NDUFAF6: variants seen among roughly 807,000 people sequenced by gnomAD.
The protein encoded by NDUFAF6 is NADH:ubiquinone oxidoreductase complex assembly factor 6.
Under a neutral mutation model 40.8 loss-of-function variants are expected in NDUFAF6, and 45 were observed. That is an observed-to-expected ratio of 1.10 (90% CI 0.87 to 1.42). The LOEUF is 1.42. Among genes scored for constraint, NDUFAF6 ranks in the 40% most tolerant of loss-of-function variants. The probability of loss-of-function intolerance (pLI) is 0.00; values close to 1 mark genes in which losing one functional copy is unlikely to be tolerated. For synonymous variants in NDUFAF6, 185 were observed against 155.9 expected, an observed-to-expected ratio of 1.19 and a Z score of -1.39; for missense variants, 435 against 418.5, an observed-to-expected ratio of 1.04 and a Z score of -0.34.
chr8:94,903,331 C>T (rs983540580), intron 1 of NDUFAF6, among the ~76,000 whole-genome samples: 1 of 152,022 alleles, frequency 6.6e-6, no homozygotes, highest in Non-Finnish European at 1.5e-5. Context: ...TGCACTCTAG[C>T]CTGGGCAACA....
chr8:95,098,298 C>T (rs903335640), upstream of NDUFAF6, among the ~76,000 whole-genome samples: 11 of 151,886 alleles, frequency 7.2e-5, no homozygotes, highest in Non-Finnish European at 1.5e-4. Context: ...TTTGGGAGGC[C>T]GAGGTGGGTG....
intron 1 of NDUFAF6, among the ~76,000 whole-genome samples, chr8:94,965,811 T>TA (rs1385582709): frequency 5.3e-5 from 8 of 152,038 alleles, no homozygotes; most frequent in African/African-American, 1.9e-4. Flanking sequence ...TGGAGACAGG[T>TA]GATGGGGTAG....
intron 1 of NDUFAF6, among the ~76,000 whole-genome samples, chr8:94,933,381 A>G (rs1820618980): frequency 6.6e-6 from 1 of 152,132 alleles, no homozygotes; most frequent in African/African-American, 2.4e-5. Flanking sequence ...ACAACCTTGA[A>G]AAAGAAGGAA....
intron 1 of NDUFAF6, among the ~76,000 whole-genome samples, chr8:94,961,136 A>G (rs566396110): frequency 1.3e-5 from 2 of 152,348 alleles, no homozygotes; most frequent in South Asian, 4.1e-4. Context: ...ACTCGGTCCC[A>G]ATTAGAAAAT....
chr8:95,102,408 T>C (rs1272370428), intron 2 of NDUFAF6, among the ~76,000 whole-genome samples: 1 of 152,230 alleles, frequency 6.6e-6, no homozygotes, highest in Non-Finnish European at 1.5e-5. Context: ...GGAGTACTAC[T>C]TCTCCTAGGG....
At chr8:95,038,810 T>A (rs1321189475) in intron 3 of NDUFAF6, among the ~76,000 whole-genome samples, 1 of 151,666 alleles carries the variant, frequency 6.6e-6, no homozygotes, top group Non-Finnish European at 1.5e-5. Flanking sequence ...CCGGAGTAGC[T>A]GGGACTACAG....
chr8:95,070,356 A>G (rs917184140), intron 9 of NDUFAF6, among the ~76,000 whole-genome samples: 4 of 152,310 alleles, frequency 2.6e-5, no homozygotes, highest in Admixed American at 6.5e-5. Context: ...AAGTGTACAT[A>G]TGTGTTTGCC....
intron 2 of NDUFAF6, among the ~76,000 whole-genome samples, chr8:94,989,698 G>A (rs1826108279): frequency 6.6e-6 from 1 of 152,066 alleles, no homozygotes; most frequent in African/African-American, 2.4e-5. Context: ...TGGACTTTTG[G>A]GGATTATACC....
At chr8:95,113,811 A>G (rs766750891) in intron 4 of NDUFAF6, among the ~76,000 whole-genome samples, 4 of 151,970 alleles carry the variant, frequency 2.6e-5, no homozygotes, top group African/African-American at 4.8e-5. Flanking sequence ...GCACGACTGC[A>G]CTCCAGCCTA....
chr8:94,987,418 C>T (rs1001070324), intron 2 of NDUFAF6, among the ~76,000 whole-genome samples: 2 of 152,190 alleles, frequency 1.3e-5, no homozygotes, highest in Non-Finnish European at 2.9e-5. Flanking sequence ...AATAAACACT[C>T]TTCCCTCCTC....
chr8:94,986,902 G>A (rs1409775189), intron 2 of NDUFAF6, among the ~76,000 whole-genome samples: 1 of 152,178 alleles, frequency 6.6e-6, no homozygotes, highest in Non-Finnish European at 1.5e-5. Flanking sequence ...AGGCTCTACA[G>A]GAGCTCTTGT....
intron 1 of NDUFAF6, among the ~76,000 whole-genome samples, chr8:94,968,832 G>A (rs1438733758): frequency 6.6e-6 from 1 of 152,162 alleles, no homozygotes; most frequent in Non-Finnish European, 1.5e-5. Flanking sequence ...TGTTGATGCA[G>A]GTGGGGAGGA....
intron 1 of NDUFAF6, among the ~76,000 whole-genome samples, chr8:94,925,809 G>T (rs972074351): frequency 2.6e-5 from 4 of 152,054 alleles, no homozygotes; most frequent in African/African-American, 9.7e-5. Flanking sequence ...CAAATTGCTG[G>T]GATTACAGGC....
intron 1 of NDUFAF6, among the ~76,000 whole-genome samples, chr8:94,911,641 C>T (rs1440766514): frequency 2.0e-5 from 3 of 152,148 alleles, no homozygotes; most frequent in African/African-American, 7.2e-5. Context: ...CCTTGGCCCT[C>T]CAGGGGTTAT....
intron 9 of NDUFAF6, among the ~76,000 whole-genome samples, chr8:95,069,417 T>G (rs943675705): frequency 6.6e-6 from 1 of 151,936 alleles, no homozygotes; most frequent in Non-Finnish European, 1.5e-5. Context: ...TTATATGCAC[T>G]CGTATGATGG....
At chr8:95,032,338 T>C (rs1387161367) in intron 2 of NDUFAF6, among the ~76,000 whole-genome samples, 1 of 152,212 alleles carries the variant, frequency 6.6e-6, no homozygotes, top group African/African-American at 2.4e-5. Context: ...CCCGAGGATA[T>C]TATAAAACTG....
At chr8:94,928,427 T>C (rs1487376401) in intron 1 of NDUFAF6, 1 of 152,418 alleles carries the variant, frequency 6.6e-6, no homozygotes, top group Admixed American at 6.5e-5. Context: ...TACCAATGCA[T>C]GGCCCTATAA....
chr8:94,978,994 T>C (rs1269512628), intron 1 of NDUFAF6, among the ~76,000 whole-genome samples: 2 of 152,136 alleles, frequency 1.3e-5, no homozygotes, highest in Non-Finnish European at 2.9e-5. Flanking sequence ...GAGGATTGTT[T>C]GGGGTGTTTG....
In NDUFAF6 at chr8:95,014,516, C is replaced by T. The variant is rs28440026; in HGVS notation, c.-83-17479C>T. On this transcript the variant is annotated intron_variant, in intron 2 of 9. Transcript: ENST00000396111. ...CTCTGGGTAAGATGAGAAGGTATTG[C>T]AAGGTTGTGAGCAGAGAAGTGACAT... Among the ~76,000 whole-genome samples, 131 of 152,186 alleles carry T rather than the reference C, an allele frequency of 8.6e-4. 1 individual carries two copies. The highest frequency in any genetic ancestry group is 2.6e-3 in the African/African-American group (108 of 41,534).
Sources: allele counts gnomAD v4.1 joint callset (sites outside exome capture counted in the v4.1 genomes callset), GRCh38; gene constraint gnomAD v4.1.1; transcripts MANE v1.5; gene names NCBI Gene and HGNC (gene_info 2026-07-23, HGNC 2026-07-21).